The following CLMP variants were observed in gnomAD, a reference collection of about 807,000 sequenced individuals.
CLMP encodes CXADR like cell adhesion molecule, also known as CXADR-like membrane protein.
Under a neutral mutation model 45.2 loss-of-function variants are expected in CLMP, and 27 were observed. That is an observed-to-expected ratio of 0.60 (90% CI 0.44 to 0.82). The LOEUF is 0.82. Ranked by LOEUF, CLMP falls within the 40% of genes least tolerant of loss-of-function variation. CLMP has a pLI of 0.00. For missense variants in CLMP, 403 were observed against 448.4 expected, an observed-to-expected ratio of 0.90 and a Z score of 0.91; for synonymous variants, 167 against 171.4, an observed-to-expected ratio of 0.97 and a Z score of 0.20.
intron 1 of CLMP, chr11:123,136,351 T>G: frequency 1.7e-6 from 1 of 576,948 alleles, no homozygotes; most frequent in Admixed American, 2.2e-5. Flanking sequence ...CGTCCTCACT[T>G]TCATATTCTT....
chr11:123,082,271 C>T (rs919429849), intron 5 of CLMP, among the ~76,000 whole-genome samples: 3 of 152,184 alleles, frequency 2.0e-5, no homozygotes, highest in African/African-American at 7.2e-5. Context: ...CTTTAGGGGG[C>T]TGGCTAATTC....
chr11:123,082,207 T>G (rs1279071337), intron 5 of CLMP, among the ~76,000 whole-genome samples: 1 of 152,216 alleles, frequency 6.6e-6, no homozygotes. Flanking sequence ...GTTTTGTTTG[T>G]TTTTGTTTTT....
At chr11:123,159,734 G>T (rs961772884) in intron 1 of CLMP, among the ~76,000 whole-genome samples, 17 of 152,168 alleles carry the variant, frequency 1.1e-4, no homozygotes, top group African/African-American at 4.1e-4. Flanking sequence ...AGTCTGCAGG[G>T]ATGAGTAGGT....
At position 123,140,506 on chromosome 11, in the gene CLMP, TG is replaced by T. The variant is rs201721649; in HGVS notation, c.29-42555del. 5.9e-4 allele frequency among the ~76,000 whole-genome samples: 90 copies of T among 151,984 alleles called. 1 individual carries two copies. The highest frequency in any genetic ancestry group is 2.0e-3 in the African/African-American group (84 of 41,418). On this transcript the variant is annotated intron_variant, in intron 1 of 6. Transcript: ENST00000448775. ...GGGAATCTTCCTCCAGATGACAATG[TG>T]GGGGGGTGTCCTGGTGTTTCTATTG...
chr11:123,099,332 G>A (rs56266115), intron 1 of CLMP, among the ~76,000 whole-genome samples: 13,560 of 152,178 alleles, frequency 0.089, 774 homozygotes, highest in East Asian at 0.16. Flanking sequence ...CCAGTAGCAT[G>A]TATTTAGAAG....
intron 1 of CLMP, among the ~76,000 whole-genome samples, chr11:123,162,751 A>G (rs1051283545): frequency 6.6e-6 from 1 of 151,844 alleles, no homozygotes; most frequent in Non-Finnish European, 1.5e-5. Flanking sequence ...ATACAAAAAA[A>G]AGCAGCCAGG....
At chr11:123,176,856 C>A (rs971253805) in intron 1 of CLMP, among the ~76,000 whole-genome samples, 4 of 152,158 alleles carry the variant, frequency 2.6e-5, no homozygotes, top group Admixed American at 2.0e-4. Flanking sequence ...TAGTGCTATG[C>A]TCAGCTCTAA....
chr11:123,095,134 G>A (rs993529641), intron 2 of CLMP, among the ~76,000 whole-genome samples: 7 of 152,158 alleles, frequency 4.6e-5, no homozygotes, highest in African/African-American at 1.7e-4. Context: ...AATTGTGACT[G>A]CTTAAAGCCA....
rs187975906 is a variant in CLMP, at chr11:123,157,700, G to C, written c.28+37213C>G. 5.8e-3 allele frequency among the ~76,000 whole-genome samples: 790 copies of C among 135,734 alleles called. 8 individuals are homozygous for C. Among genetic ancestry groups the C allele is most frequent in the African/African-American group, 0.022 (772 of 35,384 alleles). 89.0% of individuals were successfully genotyped at this position (135,734 alleles called of 152,430 possible). ...GCCAAGATCTCGCCACTTCACTCTA[G>C]CCTGGGCAAAAGAGTGAAACTCAAA... On this transcript the variant is annotated intron_variant, in intron 1 of 6. Coordinates refer to ENST00000448775, the MANE Select transcript of CLMP (RefSeq NM_024769.5).
At chr11:123,187,798 T>A (rs1236279146) in intron 1 of CLMP, among the ~76,000 whole-genome samples, 1 of 151,784 alleles carries the variant, frequency 6.6e-6, no homozygotes, top group Non-Finnish European at 1.5e-5. Context: ...ACATTGGGAG[T>A]CTCAATCTCT....
chr11:123,143,583 C>T (rs569714884), intron 1 of CLMP, among the ~76,000 whole-genome samples: 1 of 152,270 alleles, frequency 6.6e-6, no homozygotes, highest in Non-Finnish European at 1.5e-5. Flanking sequence ...AGAGAGCTGA[C>T]TCTCTGTCCT....
intron 1 of CLMP, among the ~76,000 whole-genome samples, chr11:123,186,742 TG>T (rs1861840566): frequency 6.6e-6 from 1 of 152,114 alleles, no homozygotes. Flanking sequence ...AGGCTGGTTT[TG>T]AACTCCTGAC....
Position 123,070,053 on chromosome 11 carries a change from A to C in CLMP, c.*3421T>G, listed in dbSNP as rs1865654386. 6.6e-6 allele frequency: 1 copy of C among 152,228 alleles called. No homozygotes were observed. Among genetic ancestry groups the C allele is most frequent in the South Asian group, 2.1e-4 (1 of 4,834 alleles). The allele number at this position is 152,228 out of a possible 1,614,324, so 9.4% of individuals were successfully genotyped here. A position where few individuals can be genotyped will look rare whatever the true frequency, so the allele number is the denominator to read the frequency against. ...ACTATATATGTCTTTTTGCAACAGC[A>C]GTTCCGAAATTGTTTTTATACACTG... is the stretch of plus-strand genomic sequence containing the variant. On this transcript the variant is annotated 3_prime_UTR_variant, in exon 7 of 7. Coordinates refer to ENST00000448775, the MANE Select transcript of CLMP (RefSeq NM_024769.5).
chr11:123,071,723 CAA>C lies in CLMP; in HGVS notation c.*1749_*1750del, dbSNP rs761902449. Reference sequence around the variant, plus strand: ...TGGGCAACAGAGCGAGACTTCGTCTCAAAAAAAAAAAAGTTTTCTACTCTCCC... The same window carrying C: ...TGGGCAACAGAGCGAGACTTCGTCTCAAAAAAAAAAGTTTTCTACTCTCCC... On this transcript the variant is annotated 3_prime_UTR_variant, in exon 7 of 7. Transcript: ENST00000448775. 1.4e-5 allele frequency: 2 copies of C among 141,146 alleles called. No individual in the cohort carries two copies. The highest frequency in any genetic ancestry group is 2.2e-4 in the South Asian group (1 of 4,486). The allele number at this position is 141,146 out of a possible 1,614,324, so 8.7% of individuals were successfully genotyped here.
intron 1 of CLMP, among the ~76,000 whole-genome samples, chr11:123,173,238 C>T (rs1343501213): frequency 6.6e-6 from 1 of 152,252 alleles, no homozygotes; most frequent in African/African-American, 2.4e-5. Flanking sequence ...GCTGATATGA[C>T]AGCATGTGTA....
chr11:123,120,048 CTT>C (rs1038868705), intron 1 of CLMP, among the ~76,000 whole-genome samples: 1 of 152,096 alleles, frequency 6.6e-6, no homozygotes, highest in African/African-American at 2.4e-5. Flanking sequence ...TGGTATAAGA[CTT>C]TTTCCCATTC....
intron 1 of CLMP, among the ~76,000 whole-genome samples, chr11:123,146,183 G>T (rs1314278236): frequency 1.3e-5 from 2 of 152,152 alleles, no homozygotes; most frequent in Non-Finnish European, 2.9e-5. Flanking sequence ...AGTTCTAATA[G>T]TGATGCTGAA....
chr11:123,101,161 T>G (rs1478011596), intron 1 of CLMP, among the ~76,000 whole-genome samples: 1 of 152,186 alleles, frequency 6.6e-6, no homozygotes, highest in Non-Finnish European at 1.5e-5. Flanking sequence ...CAGGCTGGAG[T>G]GCAGTGGCGC....
chr11:123,137,566 C>G (rs1319866656), intron 1 of CLMP, among the ~76,000 whole-genome samples: 1 of 152,050 alleles, frequency 6.6e-6, no homozygotes, highest in Non-Finnish European at 1.5e-5. Context: ...GCCAAGAGGT[C>G]TCAGGGTTAG....
Sources: allele counts gnomAD v4.1 joint callset (sites outside exome capture counted in the v4.1 genomes callset), GRCh38; gene constraint gnomAD v4.1.1; transcripts MANE v1.5; gene names NCBI Gene and HGNC (gene_info 2026-07-23, HGNC 2026-07-21).